Variants in ERBB4 observed in about 807,000 individuals in gnomAD.
ERBB4 encodes receptor tyrosine-protein kinase erbB-4.
ERBB4 carries 42 observed loss-of-function variants against 158.0 expected under a neutral mutation model. The observed-to-expected ratio is 0.27, with a 90% CI of 0.21 to 0.34. The LOEUF (loss-of-function observed/expected upper bound fraction) is 0.34. Ranked by LOEUF, ERBB4 falls within the 10% of genes least tolerant of loss-of-function variation. The pLI is 1.00. For synonymous variants in ERBB4, 583 were observed against 558.7 expected (o/e 1.04, Z -0.61); for missense variants, 1,333 against 1,624.1 (o/e 0.82, Z 3.08).
In ERBB4 at chr2:211,657,821, C is replaced by T. The variant is rs767530108; in HGVS notation, c.1879G>A (p.Gly627Ser). Residue 627 changes from glycine to serine, a missense_variant, in exon 16 of 28, where the codon GGT becomes AGT. Physicochemically the swap from Gly to Ser is moderately conservative, Grantham distance 56. Around this residue, in one of 5 missense-constraint regions of ERBB4, gnomAD observed 245 missense variants for 247.5 expected, o/e 0.99. Transcript: ENST00000342788. ...TAAATGCAGTCATGACTAGTGGGACCGTTACACCTGCAGGCAATTACAGAA... is the reference window on the plus strand; with the variant it reads ...TAAATGCAGTCATGACTAGTGGGACTGTTACACCTGCAGGCAATTACAGAA... Reference protein sequence around the residue: ...CHPNCTQGCNGPTSHDCIYYP... With the variant: ...CHPNCTQGCNSPTSHDCIYYP... The T allele has an allele frequency of 1.2e-5, 19 of 1,613,646 alleles. No individual in the cohort carries two copies. The highest frequency in any genetic ancestry group is 2.7e-5 in the African/African-American group (2 of 74,880).
chr2:212,519,622 T>C (rs1276162466), intron 1 of ERBB4, among the ~76,000 whole-genome samples: 1 of 151,836 alleles, frequency 6.6e-6, no homozygotes, highest in African/African-American at 2.4e-5. Context: ...AATAATGAAA[T>C]TGTTTCATTT....
chr2:212,012,535 C>T (rs1045823521), intron 2 of ERBB4, among the ~76,000 whole-genome samples: 2 of 151,924 alleles, frequency 1.3e-5, no homozygotes, highest in Non-Finnish European at 2.9e-5. Flanking sequence ...CCGCCTCAGC[C>T]ACCTGACTAG....
chr2:212,186,131 T>A (rs554583299), intron 1 of ERBB4, among the ~76,000 whole-genome samples: 19 of 152,310 alleles, frequency 1.2e-4, no homozygotes, highest in African/African-American at 3.6e-4. Context: ...TAGATTTTTT[T>A]AATTACGTTT....
intron 15 of ERBB4, among the ~76,000 whole-genome samples, chr2:211,658,459 T>C (rs563106268): frequency 6.6e-6 from 1 of 152,306 alleles, no homozygotes; most frequent in East Asian, 1.9e-4. Context: ...TAAAGGTTGA[T>C]TTTGGCAGAA....
At chr2:212,061,057 T>C (rs978690017) in intron 2 of ERBB4, among the ~76,000 whole-genome samples, 1 of 151,670 alleles carries the variant, frequency 6.6e-6, no homozygotes, top group Non-Finnish European at 1.5e-5. Context: ...TTAAAAGTAA[T>C]TGTAGAATTG....
rs766478304 is a variant in ERBB4, at chr2:211,769,657, T to C, written c.556+18368A>G. Among the ~76,000 whole-genome samples, 24 of 152,182 alleles carry C rather than the reference T, an allele frequency of 1.6e-4. 1 individual carries two copies. The highest frequency in any genetic ancestry group is 3.2e-3 in the Middle Eastern group (1 of 316). On this transcript the variant is annotated intron_variant, in intron 4 of 27. Transcript: ENST00000342788. ...GAAGCCAACTGTCCAGCCTTCAGTCTGTGGCCAAAGTGGCCAAAGGCCCAA... is the reference window on the plus strand; with the variant it reads ...GAAGCCAACTGTCCAGCCTTCAGTCCGTGGCCAAAGTGGCCAAAGGCCCAA...
At chr2:212,346,343 C>T (rs1394786) in intron 1 of ERBB4, among the ~76,000 whole-genome samples, 148,115 of 152,036 alleles carry the variant, frequency 0.97, 72,197 homozygotes, top group Middle Eastern at 1. Context: ...TGGCAAAGAA[C>T]GTGAAGTAAA....
At chr2:211,582,992 A>G (rs1448276074) in intron 19 of ERBB4, among the ~76,000 whole-genome samples, 1 of 152,096 alleles carries the variant, frequency 6.6e-6, no homozygotes, top group African/African-American at 2.4e-5. Context: ...TTTTAACATT[A>G]GGGCATTTTT....
chr2:212,037,867 C>A (rs1466531480), intron 2 of ERBB4, among the ~76,000 whole-genome samples: 1 of 151,994 alleles, frequency 6.6e-6, no homozygotes, highest in African/African-American at 2.4e-5. Context: ...AGATGGACAC[C>A]GGGGAATGAG....
At chr2:212,012,085 C>T (rs2125308009) in intron 2 of ERBB4, among the ~76,000 whole-genome samples, 1 of 152,288 alleles carries the variant, frequency 6.6e-6, no homozygotes, top group African/African-American at 2.4e-5. Context: ...AACTTGTGCA[C>T]TTAAAAATAT....
chr2:212,320,514 G>GA (rs11382159), intron 1 of ERBB4, among the ~76,000 whole-genome samples: 57,575 of 141,484 alleles, frequency 0.41, 13,432 homozygotes, highest in Non-Finnish European at 0.46. Flanking sequence ...TTACATGACA[G>GA]AAAAAAAAAA....
At chr2:212,384,329 G>C (rs188086099) in intron 1 of ERBB4, among the ~76,000 whole-genome samples, 61 of 151,664 alleles carry the variant, frequency 4.0e-4, no homozygotes, top group Admixed American at 2.8e-3. Context: ...TTACTGCTGG[G>C]ATCACTTCCA....
intron 20 of ERBB4, among the ~76,000 whole-genome samples, chr2:211,469,055 G>T (rs2064769198): frequency 6.6e-6 from 1 of 152,066 alleles, no homozygotes; most frequent in South Asian, 2.1e-4. Flanking sequence ...GTCTGGAATG[G>T]CAGAGACCTG....
chr2:211,740,407 T>C (rs1349704663), intron 5 of ERBB4, among the ~76,000 whole-genome samples: 1 of 152,046 alleles, frequency 6.6e-6, no homozygotes, highest in East Asian at 1.9e-4. Context: ...GAGTAATATA[T>C]AAAATTTATA....
chr2:212,090,594 G>C (rs2078744763), intron 2 of ERBB4, among the ~76,000 whole-genome samples: 1 of 152,018 alleles, frequency 6.6e-6, no homozygotes, highest in Non-Finnish European at 1.5e-5. Flanking sequence ...CACTCATTTA[G>C]ACATGCTTGC....
chr2:212,003,764 G>C lies in ERBB4; in HGVS notation c.235-56148C>G, dbSNP rs1007189311. 3.9e-5 allele frequency among the ~76,000 whole-genome samples: 6 copies of C among 152,286 alleles called. No homozygotes were observed. In the East Asian group the frequency reaches 1.2e-3, roughly 29 times the overall value. ...ACAGCCCAGTCCAGAATGTTCCCAT[G>C]ATTGATAGGGCAAAGTGGTCCAGTG... On this transcript the variant is annotated intron_variant, in intron 2 of 27. Transcript: ENST00000342788.
intron 12 of ERBB4, among the ~76,000 whole-genome samples, chr2:211,693,514 G>C (rs2072898999): frequency 6.6e-6 from 1 of 152,090 alleles, no homozygotes; most frequent in Non-Finnish European, 1.5e-5. Flanking sequence ...AGGGAACACA[G>C]CTTCAGAAGA....
intron 1 of ERBB4, among the ~76,000 whole-genome samples, chr2:212,162,323 T>C (rs1393634563): frequency 6.6e-6 from 1 of 151,862 alleles, no homozygotes; most frequent in Non-Finnish European, 1.5e-5. Context: ...TATACAAGTA[T>C]ATAGTGTATG....
intron 4 of ERBB4, among the ~76,000 whole-genome samples, chr2:211,760,742 T>G (rs2075388140): frequency 6.6e-6 from 1 of 152,244 alleles, no homozygotes; most frequent in African/African-American, 2.4e-5. Flanking sequence ...CTATACTGCA[T>G]ACTCCAATCT....
Sources: allele counts gnomAD v4.1 joint callset (sites outside exome capture counted in the v4.1 genomes callset), GRCh38; gene constraint gnomAD v4.1.1; regional missense constraint gnomAD v4.1.1; transcripts MANE v1.5; gene names NCBI Gene and HGNC (gene_info 2026-07-23, HGNC 2026-07-21).